Variants in ACACA observed in about 807,000 individuals in gnomAD.
ACACA encodes acetyl-CoA carboxylase 1.
A neutral mutation model predicts 296.1 loss-of-function variants in ACACA; 103 were observed. The observed-to-expected ratio is 0.35, with a 90% CI of 0.30 to 0.41. ACACA has a LOEUF of 0.41. Ranked by LOEUF, ACACA falls within the 10% of genes least tolerant of loss-of-function variation. ACACA has a pLI of 1.00. For synonymous variants in ACACA, 953 were observed against 1,038.6 expected (o/e 0.92, Z 1.58); for missense variants, 1,554 against 2,989.7 (o/e 0.52, Z 11.20).
intron 42 of ACACA, among the ~76,000 whole-genome samples, chr17:37,157,737 T>C (rs1410287662): frequency 6.6e-6 from 1 of 152,042 alleles, no homozygotes; most frequent in Non-Finnish European, 1.5e-5. Context: ...GGTTTCACCA[T>C]GTTGGCCAGG....
chr17:37,405,443 T>C (rs894101141), intron 1 of ACACA, among the ~76,000 whole-genome samples: 1 of 152,254 alleles, frequency 6.6e-6, no homozygotes, highest in Non-Finnish European at 1.5e-5. Context: ...ACATCAAATG[T>C]AAAATATCCT....
chr17:37,085,282 AGTAAGGAGC>A lies in ACACA; in HGVS notation c.*2025_*2033del, dbSNP rs1227807908. ...AATCCTTGTCCAGGGTAAGACCTAC[AGTAAGGAGC>A]TCTGGGGATGGGGGAGGAGGCATTA... On this transcript the variant is annotated 3_prime_UTR_variant, in exon 56 of 56. Coordinates refer to ENST00000616317, the MANE Select transcript of ACACA (RefSeq NM_198834.3). 1 of 232,428 alleles carries A rather than the reference AGTAAGGAGC, an allele frequency of 4.3e-6. No homozygotes were observed. Among genetic ancestry groups the A allele is most frequent in the African/African-American group, 2.3e-5 (1 of 44,438 alleles). 14.4% of individuals were successfully genotyped at this position (232,428 alleles called of 1,614,324 possible). A position where few individuals can be genotyped will look rare whatever the true frequency, so the allele number is the denominator to read the frequency against.
At chr17:37,358,597 G>A (rs1023467389) in intron 1 of ACACA, among the ~76,000 whole-genome samples, 1 of 152,122 alleles carries the variant, frequency 6.6e-6, no homozygotes, top group Non-Finnish European at 1.5e-5. Context: ...CCCTTCCCAC[G>A]TGGTCTTCTC....
chr17:37,178,636 GA>G (rs1398597278), intron 41 of ACACA, among the ~76,000 whole-genome samples: 1 of 151,732 alleles, frequency 6.6e-6, no homozygotes, highest in Non-Finnish European at 1.5e-5. Flanking sequence ...CCCATCTCAA[GA>G]AAAAAATACA....
chr17:37,359,218 C>G (rs2049294917), intron 1 of ACACA: 1 of 860,310 alleles, frequency 1.2e-6, no homozygotes, highest in East Asian at 1.2e-4. Flanking sequence ...GTGACTACGT[C>G]CGGGGTTACT....
chr17:37,381,776 C>A (rs553701995), intron 1 of ACACA, among the ~76,000 whole-genome samples: 1 of 151,696 alleles, frequency 6.6e-6, no homozygotes, highest in South Asian at 2.1e-4. Context: ...TACAGGCACT[C>A]GCCACCACAC....
intron 2 of ACACA, among the ~76,000 whole-genome samples, chr17:37,333,450 A>ATG (rs2047976830): frequency 1.3e-5 from 2 of 152,036 alleles, no homozygotes; most frequent in Non-Finnish European, 2.9e-5. Flanking sequence ...ATAGAAGGAC[A>ATG]CCTAGTATGG....
rs549077548 is a variant in ACACA, at chr17:37,162,164, A to G, written c.5080-114T>C. On this transcript the variant is annotated intron_variant, in intron 41 of 55. Coordinates refer to ENST00000616317, the MANE Select transcript of ACACA (RefSeq NM_198834.3). Reference sequence around the variant, plus strand: ...GCACAGCCATTATGTAAAGATACACATTGCTAAAGAGCCAAACTCCCTGTG... The same window carrying G: ...GCACAGCCATTATGTAAAGATACACGTTGCTAAAGAGCCAAACTCCCTGTG... 7.0e-5 allele frequency: 82 copies of G among 1,166,890 alleles called. No individual in the cohort carries two copies. In the South Asian group the frequency reaches 1.0e-3, roughly 14 times the overall value. The allele number at this position is 1,166,890 out of a possible 1,614,324, so 72.3% of individuals were successfully genotyped here.
intron 39 of ACACA, 66 bp from the exon 40 acceptor site, chr17:37,181,422 G>A (rs968883257): frequency 1.3e-5 from 20 of 1,565,144 alleles, no homozygotes; most frequent in African/African-American, 2.7e-5. Context: ...TGCCTAGAGG[G>A]GCTTTTTTTG....
intron 52 of ACACA, among the ~76,000 whole-genome samples, chr17:37,111,070 A>G (rs1243123624): frequency 1.3e-5 from 2 of 152,116 alleles, no homozygotes; most frequent in African/African-American, 4.8e-5. Flanking sequence ...CACAGTGCGC[A>G]ATCTTTACTT....
chr17:37,367,296 T>C (rs1425384276), intron 1 of ACACA, among the ~76,000 whole-genome samples: 1 of 150,866 alleles, frequency 6.6e-6, no homozygotes, highest in Non-Finnish European at 1.5e-5. Context: ...CTTCAATCAA[T>C]GAACAAGATG....
intron 16 of ACACA, among the ~76,000 whole-genome samples, chr17:37,250,114 G>T (rs943696102): frequency 2.0e-5 from 3 of 152,212 alleles, no homozygotes; most frequent in Admixed American, 1.3e-4. Context: ...AAATTAGCCA[G>T]TCTTGGGAAT....
At chr17:37,309,906 A>G (rs969681389) in intron 3 of ACACA, among the ~76,000 whole-genome samples, 1 of 151,872 alleles carries the variant, frequency 6.6e-6, no homozygotes, top group African/African-American at 2.4e-5. Context: ...TTTAAAAATT[A>G]TCCAAGCAGG....
chr17:37,276,882 G>A, intron 7 of ACACA, 151 bp downstream of exon 7: 1 of 732,208 alleles, frequency 1.4e-6, no homozygotes, highest in South Asian at 1.5e-5. Flanking sequence ...AAATGAAGAG[G>A]GTTACTCTGA....
chr17:37,105,832 C>A, intron 52 of ACACA, among the ~76,000 whole-genome samples: 1 of 150,184 alleles, frequency 6.7e-6, no homozygotes, highest in East Asian at 1.9e-4. Context: ...CCATTGCACT[C>A]CAGCCTGGGC....
chr17:37,141,918 T>C (rs2075599236), intron 45 of ACACA, among the ~76,000 whole-genome samples: 1 of 151,800 alleles, frequency 6.6e-6, no homozygotes, highest in Non-Finnish European at 1.5e-5. Context: ...CTCAAACCAC[T>C]GACCTCAGGT....
In ACACA at chr17:37,097,121, G is replaced by A; in HGVS notation, c.6766C>T (p.Leu2256=). The A allele has an allele frequency of 6.2e-7, 1 of 1,614,000 alleles. No homozygotes were observed. Residue 2256 remains leucine (L), a synonymous_variant, in exon 54 of 56, where the codon CTG becomes TTG. Transcript: ENST00000616317. The surrounding 1 kb of genome is among the most constrained non-coding windows in gnomAD (Gnocchi z 4.8). ...KTSRTFFYWR[L]RRLLLEDLVK... ...AGGTCCTCCAGCAGAAGACGCCTCA[G>A]CCGCCAGTAGAAGAAGGTACGGGAT... is the stretch of plus-strand genomic sequence containing the variant.
At chr17:37,130,710 G>C (rs2075050726) in intron 45 of ACACA, among the ~76,000 whole-genome samples, 1 of 152,064 alleles carries the variant, frequency 6.6e-6, no homozygotes, top group African/African-American at 2.4e-5. Flanking sequence ...ACCCTCAGCT[G>C]AAACTGCAGT....
In ACACA at chr17:37,244,683, C is replaced by G; in HGVS notation, c.2647G>C (p.Gly883Arg). The change falls in exon 21 of 56, where the codon GGC (glycine) becomes CGC (arginine). Residue 883 changes from glycine to arginine, a missense_variant. Transcript: ENST00000616317. ...LPRIQSTALR[G>R]EKLHRVFHYV... Reference sequence around the variant, plus strand: ...TGGAACACTCGATGGAGTTTCTCGCCTCTGAGTGCCGTGCTCTGGATCCGT... The same window carrying G: ...TGGAACACTCGATGGAGTTTCTCGCGTCTGAGTGCCGTGCTCTGGATCCGT... 6.2e-7 allele frequency: 1 copy of G among 1,614,118 alleles called. No homozygotes were observed. Among genetic ancestry groups the G allele is most frequent in the Non-Finnish European group, 8.5e-7 (1 of 1,180,002 alleles).
Sources: allele counts gnomAD v4.1 joint callset (sites outside exome capture counted in the v4.1 genomes callset), GRCh38; gene constraint gnomAD v4.1.1; non-coding constraint Gnocchi (gnomAD v3.1); transcripts MANE v1.5; gene names NCBI Gene and HGNC (gene_info 2026-07-23, HGNC 2026-07-21).